Variants in NT5C3A observed in about 807,000 individuals in gnomAD.
The protein encoded by NT5C3A is 5'-nucleotidase, cytosolic IIIA, also known as cytosolic 5'-nucleotidase 3A.
Under a neutral mutation model 40.0 loss-of-function variants are expected in NT5C3A, and 23 were observed. That is an observed-to-expected ratio of 0.58 (90% CI 0.41 to 0.81). The LOEUF is 0.81. Among genes scored for constraint, NT5C3A ranks in the 40% least tolerant of loss-of-function variants. The probability of loss-of-function intolerance (pLI) is 0.00; values close to 1 mark genes in which losing one functional copy is unlikely to be tolerated. For missense variants in NT5C3A, 328 were observed against 403.0 expected (o/e 0.81, Z 1.59); for synonymous variants, 130 against 141.4 (o/e 0.92, Z 0.57).
chr7:33,032,437 A>AT (rs1786326204), intron 1 of NT5C3A, among the ~76,000 whole-genome samples: 1 of 150,924 alleles, frequency 6.6e-6, no homozygotes, highest in African/African-American at 2.4e-5. Context: ...AAAAAAAAAA[A>AT]AAAAATTTAC....
intron 1 of NT5C3A, among the ~76,000 whole-genome samples, chr7:33,050,752 G>C (rs1322541167): frequency 6.6e-6 from 1 of 152,122 alleles, no homozygotes; most frequent in Non-Finnish European, 1.5e-5. Flanking sequence ...TGAAAAAAAT[G>C]ACAAAATGGC....
At chr7:33,033,462 T>A (rs1282374857) in intron 1 of NT5C3A, among the ~76,000 whole-genome samples, 1 of 152,212 alleles carries the variant, frequency 6.6e-6, no homozygotes, top group Non-Finnish European at 1.5e-5. Flanking sequence ...ACATATTAAG[T>A]ATAAGACAGT....
At chr7:33,024,395 A>G (rs1785801497) in intron 2 of NT5C3A, among the ~76,000 whole-genome samples, 1 of 152,266 alleles carries the variant, frequency 6.6e-6, no homozygotes, top group Admixed American at 6.5e-5. Flanking sequence ...AGATGCTGTC[A>G]TCTGCAGCAA....
chr7:33,017,247 A>C, intron 7 of NT5C3A, 192 bp downstream of exon 7: 1 of 571,478 alleles, frequency 1.7e-6, no homozygotes, highest in Non-Finnish European at 3.1e-6. Context: ...TTGGGGAATG[A>C]AAGTTTAAGA....
At chr7:33,049,381 A>T (rs1319698590) in intron 1 of NT5C3A, among the ~76,000 whole-genome samples, 7 of 152,160 alleles carry the variant, frequency 4.6e-5, no homozygotes, top group Admixed American at 4.6e-4. Context: ...GGCAGAGCTG[A>T]GATTTGAACC....
intron 1 of NT5C3A, among the ~76,000 whole-genome samples, chr7:33,037,949 T>C (rs1786701050): frequency 6.6e-6 from 1 of 152,164 alleles, no homozygotes; most frequent in African/African-American, 2.4e-5. Context: ...AAGTAGACTT[T>C]CCTTGGTCTA....
intron 1 of NT5C3A, among the ~76,000 whole-genome samples, chr7:33,040,320 T>A (rs993886345): frequency 6.6e-6 from 1 of 152,198 alleles, no homozygotes; most frequent in Non-Finnish European, 1.5e-5. Context: ...AATTTTTGAA[T>A]CTTAATTTTC....
At chr7:33,026,240 C>T (rs973059062) in intron 2 of NT5C3A, among the ~76,000 whole-genome samples, 9 of 147,436 alleles carry the variant, frequency 6.1e-5, no homozygotes, top group Non-Finnish European at 1.2e-4. Flanking sequence ...CCCAGCTGCT[C>T]GGGGAGGCGG....
intron 1 of NT5C3A, among the ~76,000 whole-genome samples, chr7:33,059,196 C>CA (rs1197738271): frequency 1.3e-5 from 2 of 152,172 alleles, no homozygotes; most frequent in Non-Finnish European, 2.9e-5. Flanking sequence ...TTTCTAGCCT[C>CA]AATTTATCTT....
chr7:33,026,713 C>T (rs1342335022), intron 2 of NT5C3A, 104 bp downstream of exon 2: 26 of 786,630 alleles, frequency 3.3e-5, no homozygotes, highest in South Asian at 1.5e-4. Flanking sequence ...AGGCTGGTCT[C>T]GAACTCCTGG....
At chr7:33,019,605 A>C in intron 6 of NT5C3A, 30 bp downstream of exon 6, 1 of 1,294,624 alleles carries the variant, frequency 7.7e-7, no homozygotes, top group Non-Finnish European at 1.1e-6. Flanking sequence ...TCTGTGAACA[A>C]TAACAGCAAA....
chr7:33,041,756 A>T (rs1583949873), intron 1 of NT5C3A, among the ~76,000 whole-genome samples: 3 of 151,992 alleles, frequency 2.0e-5, no homozygotes, highest in Admixed American at 6.6e-5. Flanking sequence ...TTTTTTTTTT[A>T]AAAGAGAACT....
intron 8 of NT5C3A, 106 bp from the exon 9 acceptor site, chr7:33,014,937 A>C (rs923858003): frequency 6.3e-6 from 6 of 956,274 alleles, no homozygotes; most frequent in South Asian, 2.9e-5. Context: ...CAATAAATTA[A>C]ATTCACTTTC....
Position 33,019,632 on chromosome 7 carries a change from T to C in NT5C3A, c.530+3A>G. The C allele has an allele frequency of 6.4e-7, 1 of 1,560,990 alleles. No homozygotes were observed. On this transcript the variant is annotated splice_donor_region_variant and intron_variant, in intron 6 of 8. Transcript: ENST00000610140. ...AACAGCAAAAAACATCCAAGAAACT[T>C]ACTTGAGCATAACGTCAGATTCTGC...
intron 1 of NT5C3A, chr7:33,036,001 A>C (rs1447484512): frequency 6.2e-7 from 1 of 1,610,080 alleles, no homozygotes; most frequent in Non-Finnish European, 8.5e-7. Flanking sequence ...GGATTTTCCC[A>C]GGTGATGTCA....
rs984891095 is a variant in NT5C3A at position 33,040,800 on chromosome 7, G to C, written c.139-13885C>G. The stretch of plus-strand genomic sequence containing the variant: ...TTCAAAATGCCCAAAATTTCAGTAA[G>C]TTATAGAATCAAATAAGAATCACAT... On this transcript the variant is annotated intron_variant, in intron 1 of 8. Transcript: ENST00000610140. The C allele has an allele frequency of 7.7e-6, 6 of 784,260 alleles. No individual in the cohort carries two copies. In the South Asian group the frequency reaches 3.5e-4, roughly 45 times the overall value. The allele number at this position is 784,260 out of a possible 1,614,324, so 48.6% of individuals were successfully genotyped here.
chr7:33,044,243 G>C (rs1356913235), intron 1 of NT5C3A, among the ~76,000 whole-genome samples: 3 of 151,862 alleles, frequency 2.0e-5, no homozygotes, highest in Non-Finnish European at 2.9e-5. Flanking sequence ...GCTGTCTCTG[G>C]GCAACACATA....
intron 3 of NT5C3A, among the ~76,000 whole-genome samples, chr7:33,023,008 C>T (rs1785713661): frequency 6.6e-6 from 1 of 151,230 alleles, no homozygotes; most frequent in Non-Finnish European, 1.5e-5. Flanking sequence ...GACTTGCCCT[C>T]CCAGGCTCAA....
chr7:33,026,544 C>CGG (rs1785944995), intron 2 of NT5C3A, among the ~76,000 whole-genome samples: 1 of 151,836 alleles, frequency 6.6e-6, no homozygotes, highest in African/African-American at 2.4e-5. Flanking sequence ...TTAGTAGAGA[C>CGG]AGAGTTTCAC....
Sources: gnomAD v4.1 joint callset for allele counts (sites outside exome capture counted in the v4.1 genomes callset) on GRCh38, gnomAD v4.1.1 for gene constraint, MANE v1.5 for transcripts, NCBI Gene and HGNC (gene_info 2026-07-23, HGNC 2026-07-21) for gene names.